Variants in SOX5 observed in about 807,000 individuals in gnomAD.
SOX5 encodes transcription factor SOX-5.
In SOX5, 9 loss-of-function variants were observed where a neutral mutation model predicts 92.0. The ratio of observed to expected loss-of-function variants is 0.10; its 90% CI spans 0.06 to 0.17. SOX5 has a LOEUF of 0.17. Among genes scored for constraint, SOX5 ranks in the 10% least tolerant of loss-of-function variants. The probability of loss-of-function intolerance (pLI) is 1.00; values close to 1 mark genes in which losing one functional copy is unlikely to be tolerated. For missense variants in SOX5, 642 were observed against 944.5 expected (o/e 0.68, Z 4.20); for synonymous variants, 344 against 336.3 (o/e 1.02, Z -0.25).
chr12:23,818,559 A>C (rs557616042), intron 3 of SOX5, among the ~76,000 whole-genome samples: 1 of 152,200 alleles, frequency 6.6e-6, no homozygotes, highest in Non-Finnish European at 1.5e-5. Context: ...TAAACACTCG[A>C]TTCTTAGACT....
intron 4 of SOX5, among the ~76,000 whole-genome samples, chr12:24,128,281 A>G (rs759737481): frequency 1.3e-5 from 2 of 152,202 alleles, no homozygotes; most frequent in Non-Finnish European, 1.5e-5. Context: ...GCATCTTCTG[A>G]GGAAAAAAAT....
chr12:24,022,124 C>G (rs1218027326), intron 4 of SOX5, among the ~76,000 whole-genome samples: 3 of 152,116 alleles, frequency 2.0e-5, no homozygotes, highest in African/African-American at 7.2e-5. Context: ...TGAGACAGAT[C>G]ATAAACAAAC....
At chr12:24,383,085 T>C (rs755865899) in intron 1 of SOX5, among the ~76,000 whole-genome samples, 9 of 152,174 alleles carry the variant, frequency 5.9e-5, no homozygotes, top group Non-Finnish European at 1.3e-4. Context: ...TATGTATTTA[T>C]TGATTGTGAT....
chr12:24,449,509 T>C (rs1310167410), intron 1 of SOX5, among the ~76,000 whole-genome samples: 1 of 152,226 alleles, frequency 6.6e-6, no homozygotes, highest in Admixed American at 6.5e-5. Flanking sequence ...TGCAGAGCAG[T>C]TACCGCTCGT....
At chr12:23,933,792 T>G (rs1941959751) in intron 1 of SOX5, among the ~76,000 whole-genome samples, 1 of 151,586 alleles carries the variant, frequency 6.6e-6, no homozygotes, top group Non-Finnish European at 1.5e-5. Flanking sequence ...CTGTATACTC[T>G]TAAACCTGGA....
rs144071605 is a variant in SOX5, at chr12:24,041,421, G to C, written c.-1-145397C>G. On this transcript the variant is annotated intron_variant, in intron 4 of 4. Transcript: ENST00000446891. ...AATTACTGGGTTCAGGAGACAGACAGAGGGATCAATTTGGTGCTTAAGAAA... is the reference window on the plus strand; with the variant it reads ...AATTACTGGGTTCAGGAGACAGACACAGGGATCAATTTGGTGCTTAAGAAA... Among the ~76,000 whole-genome samples the C allele has an allele frequency of 5.0e-3, 765 of 152,274 alleles. 10 individuals carry two copies. Among genetic ancestry groups the C allele is most frequent in the African/African-American group, 0.017 (712 of 41,556 alleles).
intron 9 of SOX5, chr12:23,584,713 G>T: frequency 1.4e-6 from 1 of 718,104 alleles, no homozygotes; most frequent in South Asian, 1.6e-5. Context: ...ACAGAACCTT[G>T]GAGAAGGACA....
intron 4 of SOX5, among the ~76,000 whole-genome samples, chr12:24,147,168 T>C (rs1456023791): frequency 2.6e-5 from 4 of 152,158 alleles, no homozygotes; most frequent in African/African-American, 9.6e-5. Flanking sequence ...CAAATAAACA[T>C]TTTACAAGAA....
At chr12:24,457,491 G>C (rs1740019961) in intron 1 of SOX5, among the ~76,000 whole-genome samples, 1 of 151,992 alleles carries the variant, frequency 6.6e-6, no homozygotes, top group African/African-American at 2.4e-5. Context: ...TTTCTTATTT[G>C]GGCATACAGA....
chr12:24,024,082 T>C (rs1954612781), intron 4 of SOX5, among the ~76,000 whole-genome samples: 1 of 152,052 alleles, frequency 6.6e-6, no homozygotes, highest in African/African-American at 2.4e-5. Context: ...AGCCAGGCAG[T>C]CTCATGTTAG....
chr12:23,621,304 A>C (rs2077151715), intron 8 of SOX5, among the ~76,000 whole-genome samples: 1 of 152,132 alleles, frequency 6.6e-6, no homozygotes, highest in Non-Finnish European at 1.5e-5. Flanking sequence ...AGAGGAAATA[A>C]GAAATAGGAA....
intron 7 of SOX5, among the ~76,000 whole-genome samples, chr12:23,659,683 TTAAAAC>T (rs1353870444): frequency 3.9e-5 from 6 of 152,096 alleles, no homozygotes; most frequent in African/African-American, 1.4e-4. Context: ...CAGAAAAAGT[TTAAAAC>T]TGGCCAGGCA....
chr12:23,819,661 G>A (rs1390359685), intron 3 of SOX5, among the ~76,000 whole-genome samples: 1 of 152,084 alleles, frequency 6.6e-6, no homozygotes, highest in African/African-American at 2.4e-5. Context: ...TCCCACTTAT[G>A]AGTGAGAACA....
chr12:23,637,062 C>A (rs2079354053), intron 8 of SOX5, among the ~76,000 whole-genome samples: 1 of 152,174 alleles, frequency 6.6e-6, no homozygotes, highest in Admixed American at 6.5e-5. Flanking sequence ...GTTGTTACGG[C>A]ACTTTACATG....
intron 1 of SOX5, among the ~76,000 whole-genome samples, chr12:23,925,542 A>C (rs1419874457): frequency 1.3e-5 from 2 of 152,108 alleles, no homozygotes; most frequent in Non-Finnish European, 2.9e-5. Flanking sequence ...GTTAAATATG[A>C]AGATGAACAG....
intron 4 of SOX5, among the ~76,000 whole-genome samples, chr12:24,035,096 T>G (rs924312671): frequency 2.0e-5 from 3 of 152,120 alleles, no homozygotes; most frequent in African/African-American, 4.8e-5. Flanking sequence ...ACCTAGCAAA[T>G]TATTAGTGCT....
chr12:23,668,813 CTTT>C (rs765829487), intron 6 of SOX5, among the ~76,000 whole-genome samples: 5 of 152,106 alleles, frequency 3.3e-5, no homozygotes, highest in Non-Finnish European at 7.4e-5. Flanking sequence ...CGTCTTAATG[CTTT>C]TTATGTGTCT....
At chr12:24,235,568 G>A (rs1964299975) in intron 3 of SOX5, among the ~76,000 whole-genome samples, 1 of 152,156 alleles carries the variant, frequency 6.6e-6, no homozygotes, top group Non-Finnish European at 1.5e-5. Context: ...CTTCTACTAT[G>A]AGTAATTATC....
At chr12:23,833,726 G>T (rs11837999) in intron 3 of SOX5, among the ~76,000 whole-genome samples, 63,157 of 151,652 alleles carry the variant, frequency 0.42, 13,973 homozygotes, top group Middle Eastern at 0.56. Flanking sequence ...AAAATGAAAA[G>T]AAATGATCTT....
Sources: gnomAD v4.1 joint callset for allele counts (sites outside exome capture counted in the v4.1 genomes callset) on GRCh38, gnomAD v4.1.1 for gene constraint, MANE v1.5 for transcripts, NCBI Gene and HGNC (gene_info 2026-07-23, HGNC 2026-07-21) for gene names.